Variants in PALM2AKAP2 observed in about 807,000 individuals in gnomAD.
PALM2AKAP2 encodes PALM2 and AKAP2 fusion, also known as PALM2-AKAP2 fusion protein.
A neutral mutation model predicts 71.5 loss-of-function variants in PALM2AKAP2; 37 were observed. That is an observed-to-expected ratio of 0.52 (90% CI 0.40 to 0.68). The LOEUF (loss-of-function observed/expected upper bound fraction) is 0.68, where lower values mean the gene tolerates loss of function less well. Among genes scored for constraint, PALM2AKAP2 ranks in the 30% least tolerant of loss-of-function variants. The probability of loss-of-function intolerance (pLI) is 0.00; values close to 1 mark genes in which losing one functional copy is unlikely to be tolerated. For synonymous variants in PALM2AKAP2, 468 were observed against 478.8 expected (o/e 0.98, Z 0.29); for missense variants, 1,224 against 1,191.8 (o/e 1.03, Z -0.40).
intron 6 of PALM2AKAP2, among the ~76,000 whole-genome samples, chr9:109,987,860 GAAGAA>G (rs1296926791): frequency 1.3e-5 from 2 of 152,200 alleles, no homozygotes; most frequent in Admixed American, 1.3e-4. Flanking sequence ...ATGTTCAGTG[GAAGAA>G]GAAAAGGAAG....
At chr9:110,164,892 T>A (rs1236310715) in intron 3 of PALM2AKAP2, among the ~76,000 whole-genome samples, 1 of 152,132 alleles carries the variant, frequency 6.6e-6, no homozygotes, top group African/African-American at 2.4e-5. Context: ...TGGGGAGTGT[T>A]GATTGCTCTT....
At chr9:109,965,977 GC>G (rs1831940708) in intron 6 of PALM2AKAP2, among the ~76,000 whole-genome samples, 1 of 152,172 alleles carries the variant, frequency 6.6e-6, no homozygotes, top group African/African-American at 2.4e-5. Context: ...AAATGTGTAA[GC>G]AAACCATGAA....
chr9:109,991,232 AT>A lies in PALM2AKAP2; in HGVS notation c.497-24711del, dbSNP rs200344742. 5.8e-3 allele frequency among the ~76,000 whole-genome samples: 174 copies of A among 30,224 alleles called. 1 individual carries two copies. The highest frequency in any genetic ancestry group is 0.013 in the South Asian group (16 of 1,262). The allele number at this position is 30,224 out of a possible 152,430, so 19.8% of individuals were successfully genotyped here. A position where few individuals can be genotyped will look rare whatever the true frequency, so the allele number is the denominator to read the frequency against. ...TTATAATAGCCTTAACCATCATCACATTTTTTTTTTTCTTTTTTTTTTAAGA... is the reference window on the plus strand; with the variant it reads ...TTATAATAGCCTTAACCATCATCACATTTTTTTTTTCTTTTTTTTTTAAGA... On this transcript the variant is annotated intron_variant, in intron 6 of 9. Transcript: ENST00000302798.
At chr9:109,890,804 C>T (rs1830071118) in intron 3 of PALM2AKAP2, among the ~76,000 whole-genome samples, 2 of 152,270 alleles carry the variant, frequency 1.3e-5, no homozygotes, top group East Asian at 3.9e-4. Context: ...CACCTGAGGC[C>T]ACACGCAGAG....
At chr9:109,940,014 A>C (rs1479176545) in intron 6 of PALM2AKAP2, among the ~76,000 whole-genome samples, 1 of 152,274 alleles carries the variant, frequency 6.6e-6, no homozygotes, top group Non-Finnish European at 1.5e-5. Context: ...AAACAAGTTC[A>C]AACATTAATT....
chr9:110,014,850 A>G (rs1165538001), intron 6 of PALM2AKAP2, among the ~76,000 whole-genome samples: 1 of 131,412 alleles, frequency 7.6e-6, no homozygotes, highest in Non-Finnish European at 1.6e-5. Flanking sequence ...ATATATATAT[A>G]TACACACACA....
In PALM2AKAP2 at chr9:109,738,138, T is replaced by G. The variant is rs192287952; in HGVS notation, c.6-42350T>G. Among the ~76,000 whole-genome samples the G allele has an allele frequency of 3.3e-5, 5 of 152,368 alleles. No individual in the cohort carries two copies. In the East Asian group the frequency reaches 9.6e-4, roughly 29 times the overall value. ...ATAATCTATTGCACTTGCTATGAAT[T>G]TCTTTATATACTCTTATGTTTCCCT... On this transcript the variant is annotated intron_variant, in intron 1 of 6. Coordinates refer to the PALM2AKAP2 transcript ENST00000374531.
At chr9:109,919,324 A>G (rs1830769600) in intron 3 of PALM2AKAP2, among the ~76,000 whole-genome samples, 1 of 152,038 alleles carries the variant, frequency 6.6e-6, no homozygotes, top group Non-Finnish European at 1.5e-5. Context: ...CTCAGCAGAA[A>G]GCCTCAGGAG....
chr9:110,137,383 CAGT>C, exon 2 of PALM2AKAP2: 1 of 1,614,186 alleles, frequency 6.2e-7, no homozygotes, highest in Non-Finnish European at 8.5e-7. Flanking sequence ...CTCCAGAAGA[CAGT>C]GGTGCCTCAG....
At chr9:109,769,163 T>G (rs1488796038) in intron 1 of PALM2AKAP2, among the ~76,000 whole-genome samples, 1 of 152,224 alleles carries the variant, frequency 6.6e-6, no homozygotes, top group Admixed American at 6.5e-5. Context: ...ATAAAAATAC[T>G]AGTTTTTTAC....
intron 1 of PALM2AKAP2, among the ~76,000 whole-genome samples, chr9:109,714,254 T>C (rs1828284307): frequency 1.3e-5 from 2 of 152,182 alleles, no homozygotes; most frequent in African/African-American, 4.8e-5. Context: ...TATTCCTCCT[T>C]AATTTACCAC....
intron 6 of PALM2AKAP2, among the ~76,000 whole-genome samples, chr9:110,013,940 T>C (rs1832927712): frequency 6.6e-6 from 1 of 152,222 alleles, no homozygotes; most frequent in African/African-American, 2.4e-5. Context: ...GTACATCTCA[T>C]GGGACAAACT....
chr9:109,842,130 C>T (rs943741513), intron 1 of PALM2AKAP2, among the ~76,000 whole-genome samples: 2 of 152,076 alleles, frequency 1.3e-5, no homozygotes, highest in African/African-American at 4.8e-5. Flanking sequence ...ATGGGGAGGC[C>T]TTTATCCACT....
intron 1 of PALM2AKAP2, among the ~76,000 whole-genome samples, chr9:109,788,567 A>C (rs1827026437): frequency 6.6e-6 from 1 of 152,170 alleles, no homozygotes; most frequent in South Asian, 2.1e-4. Context: ...CCCAGCTGCA[A>C]CTGCTATTCT....
chr9:110,059,277 G>C (rs539411486), intron 1 of PALM2AKAP2, among the ~76,000 whole-genome samples: 1 of 152,310 alleles, frequency 6.6e-6, no homozygotes, highest in African/African-American at 2.4e-5. Context: ...GTCCCTTTGA[G>C]AGTTGCCAGA....
chr9:110,163,407 T>C (rs1329592580), intron 3 of PALM2AKAP2, among the ~76,000 whole-genome samples: 2 of 152,214 alleles, frequency 1.3e-5, no homozygotes, highest in Non-Finnish European at 2.9e-5. Flanking sequence ...ATTCTTATCA[T>C]TTCATGATAT....
intron 1 of PALM2AKAP2, among the ~76,000 whole-genome samples, chr9:110,132,327 T>G (rs1242938089): frequency 2.6e-5 from 4 of 152,000 alleles, no homozygotes; most frequent in African/African-American, 7.2e-5. Flanking sequence ...CCCAAAGTGC[T>G]GGGATTACAG....
chr9:109,932,022 G>A (rs377498789), exon 6 of PALM2AKAP2: 15 of 1,612,554 alleles, frequency 9.3e-6, no homozygotes, highest in East Asian at 2.2e-5. Context: ...GACCAGCAGA[G>A]CGGCTGGTAA....
intron 1 of PALM2AKAP2, among the ~76,000 whole-genome samples, chr9:109,757,168 T>A (rs1828976841): frequency 1.3e-5 from 2 of 152,056 alleles, no homozygotes; most frequent in Admixed American, 1.3e-4. Flanking sequence ...AATCTCTACC[T>A]CCATGAGATT....
Sources: gnomAD v4.1 joint callset for allele counts (sites outside exome capture counted in the v4.1 genomes callset) on GRCh38, gnomAD v4.1.1 for gene constraint, MANE v1.5 for transcripts, NCBI Gene and HGNC (gene_info 2026-07-23, HGNC 2026-07-21) for gene names.